The following MARCHF8 variants were observed in gnomAD, a reference collection of about 807,000 sequenced individuals.
MARCHF8 encodes the protein membrane associated ring-CH-type finger 8.
MARCHF8 carries 40 observed loss-of-function variants against 51.6 expected under a neutral mutation model. That is an observed-to-expected ratio of 0.77 (90% CI 0.60 to 1.01). MARCHF8 has a LOEUF of 1.01. Ranked by LOEUF, MARCHF8 falls within the 50% of genes least tolerant of loss-of-function variation. The probability of loss-of-function intolerance (pLI) is 0.00; values close to 1 mark genes in which losing one functional copy is unlikely to be tolerated. For synonymous variants in MARCHF8, 263 were observed against 280.3 expected (o/e 0.94, Z 0.62); for missense variants, 685 against 708.6 (o/e 0.97, Z 0.38).
chr10:45,536,337 C>G (rs1289206944), upstream of MARCHF8, among the ~76,000 whole-genome samples: 2 of 152,018 alleles, frequency 1.3e-5, no homozygotes, highest in East Asian at 3.9e-4. Context: ...GCTGGGACAA[C>G]TAGATAGCCA....
At chr10:45,581,942 A>G (rs1161637360) in intron 1 of MARCHF8, among the ~76,000 whole-genome samples, 1 of 131,630 alleles carries the variant, frequency 7.6e-6, no homozygotes, top group African/African-American at 2.9e-5. Context: ...CACTTCAACC[A>G]AAAAAAAAAA....
chr10:45,528,373 C>T (rs2043824317), intron 2 of MARCHF8, among the ~76,000 whole-genome samples: 1 of 152,174 alleles, frequency 6.6e-6, no homozygotes, highest in African/African-American at 2.4e-5. Flanking sequence ...CCAAAACACT[C>T]GTAAATTTGA....
intron 2 of MARCHF8, among the ~76,000 whole-genome samples, chr10:45,525,120 A>G (rs988335068): frequency 1.3e-5 from 2 of 152,176 alleles, no homozygotes; most frequent in African/African-American, 4.8e-5. Context: ...GAACATTGTG[A>G]GGTCATTTTT....
Position 45,533,268 on chromosome 10 carries a change from AT to A in MARCHF8, c.-58del. On this transcript the variant is annotated 5_prime_UTR_variant, in exon 2 of 8. In the 5' UTR this introduces an upstream ATG that the reference lacks. Transcript: ENST00000453424. ...GAAGAGAGTCTCCACTGGTAGAGTC[AT>A]TTTGGGCCATGGATTTCAAGCTGAG... is the stretch of plus-strand genomic sequence containing the variant. 1 of 1,533,214 alleles carries A rather than the reference AT, an allele frequency of 6.5e-7. No homozygotes were observed. Among genetic ancestry groups the A allele is most frequent in the Non-Finnish European group, 8.7e-7 (1 of 1,144,348 alleles). The allele number at this position is 1,533,214 out of a possible 1,614,324, so 95.0% of individuals were successfully genotyped here.
At chr10:45,501,955 A>T (rs1278016669) in intron 2 of MARCHF8, among the ~76,000 whole-genome samples, 1 of 152,164 alleles carries the variant, frequency 6.6e-6, no homozygotes, top group East Asian at 1.9e-4. Flanking sequence ...CACCTATCAG[A>T]ATGGCTAAAA....
At chr10:45,522,122 A>T (rs1322775748) in intron 2 of MARCHF8, among the ~76,000 whole-genome samples, 2 of 152,184 alleles carry the variant, frequency 1.3e-5, no homozygotes, top group Non-Finnish European at 2.9e-5. Context: ...TTTTAAAGTC[A>T]GGGGTTCAAG....
chr10:45,524,518 G>A (rs1260591984), intron 2 of MARCHF8, among the ~76,000 whole-genome samples: 4 of 152,200 alleles, frequency 2.6e-5, no homozygotes, highest in South Asian at 2.1e-4. Context: ...AAGAAGCCAC[G>A]CAAATGATCT....
chr10:45,542,988 G>C (rs2044073562), intron 1 of MARCHF8, among the ~76,000 whole-genome samples: 1 of 152,138 alleles, frequency 6.6e-6, no homozygotes, highest in South Asian at 2.1e-4. Flanking sequence ...CTAGGAAAAG[G>C]TGGTCTACAC....
Position 45,591,442 on chromosome 10 carries a change from T to C in MARCHF8, c.-79+2793A>G, listed in dbSNP as rs543308793. ...TGGTGCCACTGCACTCCATCCAGCC[T>C]GAGTGACAGAGCAAAACTCTGTCTC... On this transcript the variant is annotated intron_variant, in intron 1 of 6. Coordinates refer to the MARCHF8 transcript ENST00000319836. Among the ~76,000 whole-genome samples the C allele has an allele frequency of 4.0e-5, 6 of 151,226 alleles. No individual in the cohort carries two copies. In the East Asian group the frequency reaches 9.7e-4, roughly 25 times the overall value.
chr10:45,559,372 TC>T (rs1190666836), intron 1 of MARCHF8, among the ~76,000 whole-genome samples: 2 of 152,238 alleles, frequency 1.3e-5, no homozygotes, highest in African/African-American at 4.8e-5. Flanking sequence ...GCTACTTCCT[TC>T]TTTTTTGAGA....
At chr10:45,473,728 A>G (rs1490248426) in intron 3 of MARCHF8, among the ~76,000 whole-genome samples, 1 of 152,174 alleles carries the variant, frequency 6.6e-6, no homozygotes, top group Non-Finnish European at 1.5e-5. Context: ...ATCAGCCTCT[A>G]TAGGATTTTA....
At position 45,555,546 on chromosome 10, in the gene MARCHF8, T is replaced by C. The variant is rs565868350; in HGVS notation, c.-78-22257A>G. 1.2e-4 allele frequency among the ~76,000 whole-genome samples: 18 copies of C among 152,200 alleles called. No individual in the cohort carries two copies. The East Asian group carries it at 3.1e-3, about 26-fold the overall frequency. On this transcript the variant is annotated intron_variant, in intron 1 of 6. Transcript: ENST00000319836. ...GAGGGCCAAGAGTTCAAGACCAGCC[T>C]GGGCAACACAGTGAGATCCCATCTC...
chr10:45,593,000 A>G (rs1204286122), intron 1 of MARCHF8, among the ~76,000 whole-genome samples: 3 of 152,166 alleles, frequency 2.0e-5, no homozygotes, highest in Non-Finnish European at 4.4e-5. Flanking sequence ...TGGAGCCAAA[A>G]GGTAGAATAG....
chr10:45,579,517 A>G (rs1262587386), intron 1 of MARCHF8, among the ~76,000 whole-genome samples: 1 of 152,146 alleles, frequency 6.6e-6, no homozygotes, highest in Non-Finnish European at 1.5e-5. Context: ...AAAAGAAGCT[A>G]ATGAAGTTTT....
intron 1 of MARCHF8, among the ~76,000 whole-genome samples, chr10:45,562,462 A>C (rs531174620): frequency 6.6e-6 from 1 of 152,322 alleles, no homozygotes; most frequent in South Asian, 2.1e-4. Context: ...CACCAGTAAC[A>C]AGCCAGCAGA....
chr10:45,465,785 G>C (rs1037777775), intron 3 of MARCHF8, among the ~76,000 whole-genome samples: 9 of 152,198 alleles, frequency 5.9e-5, no homozygotes, highest in African/African-American at 2.2e-4. Context: ...GCACATCTTC[G>C]AATTCACCAA....
chr10:45,523,854 A>G (rs1012779300), intron 2 of MARCHF8, among the ~76,000 whole-genome samples: 3 of 152,206 alleles, frequency 2.0e-5, no homozygotes, highest in Non-Finnish European at 4.4e-5. Flanking sequence ...CTCTCACTAG[A>G]CCAACATCCA....
intron 1 of MARCHF8, among the ~76,000 whole-genome samples, chr10:45,549,671 G>T (rs918304261): frequency 6.6e-6 from 1 of 152,252 alleles, no homozygotes; most frequent in African/African-American, 2.4e-5. Flanking sequence ...GGTGGGACTT[G>T]TAAGACGTGA....
At position 45,458,144 on chromosome 10, in the gene MARCHF8, T is replaced by C; in HGVS notation, c.*95A>G. On this transcript the variant is annotated 3_prime_UTR_variant, in exon 8 of 8. Coordinates refer to ENST00000453424, the MANE Select transcript of MARCHF8 (RefSeq NM_001282866.2). ...TATAAATAGTCACCTGTCCAGTCTA[T>C]GCTATTAAAGGACATAAGAAAGGTA... The C allele has an allele frequency of 8.0e-7, 1 of 1,248,034 alleles. No individual in the cohort carries two copies. The highest frequency in any genetic ancestry group is 1.1e-6 in the Non-Finnish European group (1 of 905,244). The allele number at this position is 1,248,034 out of a possible 1,614,324, so 77.3% of individuals were successfully genotyped here.
Sources: allele counts gnomAD v4.1 joint callset (sites outside exome capture counted in the v4.1 genomes callset), GRCh38; gene constraint gnomAD v4.1.1; transcripts MANE v1.5; gene names NCBI Gene and HGNC (gene_info 2026-07-23, HGNC 2026-07-21).